Variants in PLCH1 observed in about 807,000 individuals in gnomAD.
PLCH1 encodes phospholipase C eta 1, also known as 1-phosphatidylinositol 4,5-bisphosphate phosphodiesterase eta-1.
PLCH1 carries 60 observed loss-of-function variants against 126.7 expected under a neutral mutation model. The observed-to-expected ratio is 0.47, with a 90% CI of 0.38 to 0.59. PLCH1 has a LOEUF of 0.59. Among genes scored for constraint, PLCH1 ranks in the 20% least tolerant of loss-of-function variants. PLCH1 has a pLI of 0.00. For missense variants in PLCH1, 1,723 were observed against 2,040.0 expected, an observed-to-expected ratio of 0.84 and a Z score of 2.99; for synonymous variants, 719 against 734.9, an observed-to-expected ratio of 0.98 and a Z score of 0.35.
At chr3:155,561,541 C>T (rs1009359571) in intron 8 of PLCH1, among the ~76,000 whole-genome samples, 3 of 151,690 alleles carry the variant, frequency 2.0e-5, no homozygotes, top group Non-Finnish European at 2.9e-5. Context: ...CATTGTTGGA[C>T]ATTTGGGTTG....
chr3:155,736,199 T>C (rs1205093722), intron 1 of PLCH1, among the ~76,000 whole-genome samples: 2 of 152,242 alleles, frequency 1.3e-5, no homozygotes, highest in Non-Finnish European at 1.5e-5. Flanking sequence ...TTTCTCTCTT[T>C]TGACAAAAGA....
intron 19 of PLCH1, among the ~76,000 whole-genome samples, chr3:155,489,051 C>T (rs747065712): frequency 9.2e-5 from 14 of 152,248 alleles, no homozygotes; most frequent in Middle Eastern, 3.4e-3. Flanking sequence ...ATCTTTGATG[C>T]CTAACTGTAT....
intron 10 of PLCH1, among the ~76,000 whole-genome samples, chr3:155,528,193 C>T (rs1286374857): frequency 6.8e-6 from 1 of 147,436 alleles, no homozygotes; most frequent in Non-Finnish European, 1.5e-5. Context: ...CATTGTACTC[C>T]AGCCTGGGCG....
intron 1 of PLCH1, among the ~76,000 whole-genome samples, chr3:155,716,516 G>A (rs1046942020): frequency 6.6e-6 from 1 of 152,308 alleles, no homozygotes; most frequent in South Asian, 2.1e-4. Flanking sequence ...GCCCCAGGAA[G>A]CTTTTACTAA....
intron 21 of PLCH1, among the ~76,000 whole-genome samples, chr3:155,486,513 G>GTTTTTTTTTT: frequency 9.8e-6 from 1 of 102,032 alleles, no homozygotes; most frequent in Non-Finnish European, 1.9e-5. Context: ...GCTCAAGTTT[G>GTTTTTTTTTT]TTTTTTTTTT....
intron 12 of PLCH1, among the ~76,000 whole-genome samples, chr3:155,505,426 T>C (rs748771688): frequency 6.6e-6 from 1 of 152,174 alleles, no homozygotes; most frequent in Non-Finnish European, 1.5e-5. Context: ...TAACATGGTA[T>C]AAGGAGAGAC....
intron 2 of PLCH1, among the ~76,000 whole-genome samples, chr3:155,655,362 T>A (rs544297098): frequency 1.6e-4 from 24 of 151,902 alleles, no homozygotes; most frequent in African/African-American, 5.8e-4. Context: ...GCCCAGGAGG[T>A]TGAGGCTGCA....
intron 2 of PLCH1, among the ~76,000 whole-genome samples, chr3:155,610,455 T>C (rs1481445664): frequency 6.7e-6 from 1 of 149,338 alleles, no homozygotes; most frequent in Non-Finnish European, 1.5e-5. Flanking sequence ...TCTTAAGAGC[T>C]GTGAGGAAAA....
At chr3:155,551,453 A>G (rs1427329031) in intron 9 of PLCH1, among the ~76,000 whole-genome samples, 19 of 20,196 alleles carry the variant, frequency 9.4e-4, no homozygotes, top group African/African-American at 2.5e-3. Flanking sequence ...AGAAAAAAAA[A>G]AAAAAAAAAA....
chr3:155,567,464 G>A (rs191340308), intron 7 of PLCH1, among the ~76,000 whole-genome samples: 3 of 152,254 alleles, frequency 2.0e-5, no homozygotes, highest in Admixed American at 1.3e-4. Flanking sequence ...TGTTCACACT[G>A]ATCTGGGAGC....
downstream of PLCH1, among the ~76,000 whole-genome samples, chr3:155,479,388 C>T (rs1383140406): frequency 2.0e-5 from 3 of 152,146 alleles, no homozygotes; most frequent in Non-Finnish European, 4.4e-5. Flanking sequence ...CAGTGCCTGT[C>T]CAGAAAATAA....
At chr3:155,641,926 T>C (rs1230609069) in intron 2 of PLCH1, among the ~76,000 whole-genome samples, 1 of 152,084 alleles carries the variant, frequency 6.6e-6, no homozygotes, top group Non-Finnish European at 1.5e-5. Context: ...CCACTAATGC[T>C]AAGATTCACC....
intron 1 of PLCH1, chr3:155,742,945 C>T (rs1001514223): frequency 4.8e-6 from 1 of 209,304 alleles, no homozygotes; most frequent in African/African-American, 2.4e-5. Context: ...AGACAGTACT[C>T]ACGTATTACT....
intron 1 of PLCH1, among the ~76,000 whole-genome samples, chr3:155,738,386 A>T (rs1045462433): frequency 4.6e-5 from 7 of 152,138 alleles, no homozygotes; most frequent in Non-Finnish European, 1.0e-4. Flanking sequence ...TCGTGCCTGT[A>T]ATCTCAACAC....
chr3:155,591,491 G>A (rs1732166323), intron 4 of PLCH1, among the ~76,000 whole-genome samples: 1 of 152,180 alleles, frequency 6.6e-6, no homozygotes, highest in Non-Finnish European at 1.5e-5. Context: ...GAATGCAGAA[G>A]CAGATAAGAG....
chr3:155,514,601 C>T, intron 12 of PLCH1, 122 bp downstream of exon 12: 1 of 627,444 alleles, frequency 1.6e-6, no homozygotes, highest in Non-Finnish European at 2.5e-6. Context: ...ATTTTCATTT[C>T]TCAAGCAAAA....
chr3:155,723,615 T>A (rs748924208), intron 1 of PLCH1, among the ~76,000 whole-genome samples: 71 of 152,094 alleles, frequency 4.7e-4, no homozygotes, highest in Non-Finnish European at 7.6e-4. Context: ...TCCCAAAGGT[T>A]TTGATAGGTT....
At chr3:155,618,736 C>G (rs1736094408) in intron 2 of PLCH1, among the ~76,000 whole-genome samples, 1 of 152,166 alleles carries the variant, frequency 6.6e-6, no homozygotes, top group African/African-American at 2.4e-5. Flanking sequence ...GCCTTGACCT[C>G]CTGGGCTCAG....
At chr3:155,583,708 A>G in intron 5 of PLCH1, 66 bp from the exon 6 acceptor site, 2 of 1,143,314 alleles carry the variant, frequency 1.7e-6, no homozygotes, top group Non-Finnish European at 2.4e-6. Flanking sequence ...GTACTGGGAA[A>G]TAATATTTAC....
Sources: allele counts gnomAD v4.1 joint callset (sites outside exome capture counted in the v4.1 genomes callset), GRCh38; gene constraint gnomAD v4.1.1; transcripts MANE v1.5; gene names NCBI Gene and HGNC (gene_info 2026-07-23, HGNC 2026-07-21).